ACOT1: variants seen among roughly 807,000 people sequenced by gnomAD.
ACOT1 encodes acyl-CoA thioesterase 1.
A neutral mutation model predicts 15.7 loss-of-function variants in ACOT1; 8 were observed. The observed-to-expected ratio is 0.51, with a 90% CI of 0.30 to 0.92. ACOT1 has a LOEUF of 0.92. Among genes scored for constraint, ACOT1 ranks in the 40% least tolerant of loss-of-function variants. ACOT1 has a pLI of 0.06. For synonymous variants in ACOT1, 67 were observed against 241.2 expected (o/e 0.28, Z 6.69); for missense variants, 151 against 539.4 (o/e 0.28, Z 7.13).
At chr14:73,498,192 C>G in the ACOT1 span, 2 of 1,613,768 alleles carry the variant, frequency 1.2e-6, no homozygotes, top group African/African-American at 1.3e-5. Context: ...AGCAGCACGT[C>G]TAGGAAGGTG....
chr14:73,491,953 G>A, the ACOT1 span: 7 of 1,613,858 alleles, frequency 4.3e-6, no homozygotes, highest in Non-Finnish European at 4.2e-6. Context: ...GGCAGTTTTT[G>A]GCTGTGCTTC....
chr14:73,513,727 C>CTAA, the ACOT1 span, among the ~76,000 whole-genome samples: 1 of 26,578 alleles, frequency 3.8e-5, no homozygotes, highest in Admixed American at 7.5e-4. Context: ...AACTACGTCT[C>CTAA]CAAAAAAAAA....
chr14:73,505,820 G>A, the ACOT1 span, among the ~76,000 whole-genome samples: 3 of 151,994 alleles, frequency 2.0e-5, no homozygotes, highest in Non-Finnish European at 2.9e-5. Flanking sequence ...AATTTTGGCG[G>A]GGGGGAAATA....
the ACOT1 span, among the ~76,000 whole-genome samples, chr14:73,506,125 G>A: frequency 3.3e-5 from 5 of 150,166 alleles, no homozygotes; most frequent in Non-Finnish European, 7.4e-5. Context: ...TCCTGACCTC[G>A]TGATCCGCCT....
chr14:73,509,196 AAACCC>A, the ACOT1 span: 1 of 1,039,046 alleles, frequency 9.6e-7, no homozygotes, highest in Middle Eastern at 2.3e-4. Context: ...ACATAAATCT[AAACCC>A]AATACAGCAG....
At chr14:73,504,594 G>T in the ACOT1 span, among the ~76,000 whole-genome samples, 86 of 152,242 alleles carry the variant, frequency 5.6e-4, no homozygotes, top group Admixed American at 3.6e-3. Flanking sequence ...TGCTGGTCCA[G>T]GACTTTAGCA....
At chr14:73,493,859 AAAG>A in the ACOT1 span, among the ~76,000 whole-genome samples, 1 of 152,202 alleles carries the variant, frequency 6.6e-6, no homozygotes, top group South Asian at 2.1e-4. Flanking sequence ...CAAAAACAAA[AAAG>A]AATCTTATCT....
the ACOT1 span, among the ~76,000 whole-genome samples, chr14:73,521,352 G>A: frequency 2.7e-4 from 41 of 152,180 alleles, 1 homozygote; most frequent in African/African-American, 9.4e-4. Flanking sequence ...TCTTAGAGGC[G>A]GCATGGCCTT....
At chr14:73,519,493 C>G in the ACOT1 span, among the ~76,000 whole-genome samples, 1 of 152,148 alleles carries the variant, frequency 6.6e-6, no homozygotes, top group Non-Finnish European at 1.5e-5. Flanking sequence ...CACCTGTAAT[C>G]TCAGCACTTT....
chr14:73,500,683 T>TAG, the ACOT1 span: 40 of 1,613,924 alleles, frequency 2.5e-5, no homozygotes, highest in Non-Finnish European at 3.2e-5. Context: ...ACCTATCAGG[T>TAG]AGAGAGCTTC....
the ACOT1 span, among the ~76,000 whole-genome samples, chr14:73,510,979 C>T: frequency 6.6e-6 from 1 of 152,104 alleles, no homozygotes; most frequent in East Asian, 1.9e-4. Context: ...TCTTCTCAGT[C>T]CCAATGTAAT....
the ACOT1 span, among the ~76,000 whole-genome samples, chr14:73,496,357 A>G: frequency 6.6e-6 from 1 of 152,192 alleles, no homozygotes; most frequent in Non-Finnish European, 1.5e-5. Context: ...TTCTGAAACA[A>G]TGAGGGTTAC....
At chr14:73,496,739 G>A in the ACOT1 span, 2 of 931,462 alleles carry the variant, frequency 2.1e-6, no homozygotes. Context: ...AAGTATGGGG[G>A]TAGAAAATAT....
the ACOT1 span, chr14:73,491,900 T>C: frequency 6.2e-7 from 1 of 1,612,238 alleles, no homozygotes; most frequent in Non-Finnish European, 8.5e-7. Flanking sequence ...GGCCGGCTGC[T>C]CCCTGCGTCT....
chr14:73,495,524 A>G, the ACOT1 span: 1 of 682,772 alleles, frequency 1.5e-6, no homozygotes, highest in East Asian at 2.8e-5. Flanking sequence ...TCAAGGCTAC[A>G]GTGAGCTGTG....
the ACOT1 span, chr14:73,522,820 G>T: frequency 3.5e-5 from 56 of 1,614,076 alleles, no homozygotes; most frequent in Non-Finnish European, 4.0e-5. Flanking sequence ...TCTGAGGCCG[G>T]GCCTTCCTGA....
At chr14:73,521,078 G>T in the ACOT1 span, 1 of 1,550,368 alleles carries the variant, frequency 6.5e-7, no homozygotes, top group Admixed American at 1.7e-5. Context: ...GGGGGAAAGA[G>T]TAGGAGGTGG....
At chr14:73,494,702 C>A in the ACOT1 span, among the ~76,000 whole-genome samples, 1 of 152,082 alleles carries the variant, frequency 6.6e-6, no homozygotes, top group Non-Finnish European at 1.5e-5. Flanking sequence ...CAGTGTGTGC[C>A]ACCACACCCA....
chr14:73,531,655 T>TGTCC, the ACOT1 span, among the ~76,000 whole-genome samples: 8 of 110,134 alleles, frequency 7.3e-5, no homozygotes, highest in African/African-American at 2.3e-4. Flanking sequence ...GTGATGCACC[T>TGTCC]GCCTTGGCCT....
Sources: gnomAD v4.1 joint callset for allele counts (sites outside exome capture counted in the v4.1 genomes callset) on GRCh38, gnomAD v4.1.1 for gene constraint, MANE v1.5 for transcripts, NCBI Gene and HGNC (gene_info 2026-07-23, HGNC 2026-07-21) for gene names.